The following NBDY variants were observed in gnomAD, a reference collection of about 807,000 sequenced individuals.
The protein encoded by NBDY is negative regulator of P-body association, also known as P-body dissociating protein.
In NBDY at chrX:56,807,917, G is replaced by GT. The variant is rs1373265670; in HGVS notation, c.*167-9397dup. 2.7e-5 allele frequency among the ~76,000 whole-genome samples: 3 copies of GT among 112,084 alleles called. No individual in the cohort carries two copies. In the East Asian group the frequency reaches 8.4e-4, roughly 31 times the overall value. On this transcript the variant is annotated intron_variant, in intron 2 of 2. Coordinates refer to ENST00000374922, the MANE Select transcript of NBDY (RefSeq NM_001348129.2). The stretch of plus-strand genomic sequence containing the variant: ...CCAGTTTTCAAAGGGAGTACTTCCA[G>GT]TTTTTTCCCATTCAGTATGATATTG...
intron 2 of NBDY, among the ~76,000 whole-genome samples, chrX:56,743,299 G>T (rs2146715357): frequency 9.0e-6 from 1 of 110,688 alleles, no homozygotes; most frequent in African/African-American, 3.3e-5. Flanking sequence ...TTTGGTATCA[G>T]GCCTCATGGA....
intron 2 of NBDY, among the ~76,000 whole-genome samples, chrX:56,757,151 T>C (rs952291957): frequency 3.6e-5 from 4 of 112,031 alleles, no homozygotes; most frequent in East Asian, 2.8e-4. Context: ...AAGGTGTTAA[T>C]TGAAAATTCT....
At chrX:56,799,668 G>A (rs745613247) in intron 2 of NBDY, among the ~76,000 whole-genome samples, 1 of 113,288 alleles carries the variant, frequency 8.8e-6, no homozygotes, top group South Asian at 3.6e-4. Flanking sequence ...GGATGGCACT[G>A]TGACTCCACA....
chrX:56,736,379 C>T (rs925926145), intron 2 of NBDY, among the ~76,000 whole-genome samples: 33 of 112,040 alleles, frequency 2.9e-4, no homozygotes, highest in African/African-American at 1.0e-3. Flanking sequence ...ATTCTCCTGC[C>T]GCAGCCTCCC....
intron 2 of NBDY, among the ~76,000 whole-genome samples, chrX:56,799,290 C>A (rs1370293942): frequency 8.9e-6 from 1 of 112,807 alleles, no homozygotes; most frequent in African/African-American, 3.2e-5. Flanking sequence ...GGATAGGGTG[C>A]CCCTGTCCCT....
In NBDY at chrX:56,738,137, G is replaced by A. The variant is rs201506109; in HGVS notation, c.*166+5938G>A. 1.2e-4 allele frequency among the ~76,000 whole-genome samples: 13 copies of A among 112,119 alleles called. No individual in the cohort carries two copies. The East Asian group carries it at 3.6e-3, about 31-fold the overall frequency. ...GGTCAAAGTGCTAATCCAAGATGAT[G>A]CATTACATTTACTTGTCATGTCTCT... On this transcript the variant is annotated intron_variant, in intron 2 of 2. Coordinates refer to ENST00000374922, the MANE Select transcript of NBDY (RefSeq NM_001348129.2).
intron 2 of NBDY, among the ~76,000 whole-genome samples, chrX:56,764,058 C>T (rs1310878122): frequency 8.9e-6 from 1 of 112,321 alleles, no homozygotes; most frequent in Non-Finnish European, 1.9e-5. Context: ...AGAGGAACTC[C>T]AAGCTGGCCC....
At chrX:56,764,237 C>T (rs1207423320) in intron 2 of NBDY, among the ~76,000 whole-genome samples, 5 of 112,460 alleles carry the variant, frequency 4.4e-5, no homozygotes, top group African/African-American at 1.3e-4. Context: ...CCGGGAGGAT[C>T]GGGGCCCCCT....
At chrX:56,802,466 C>T (rs1237231701) in intron 2 of NBDY, among the ~76,000 whole-genome samples, 1 of 103,289 alleles carries the variant, frequency 9.7e-6, no homozygotes, top group Non-Finnish European at 2.0e-5. Flanking sequence ...ACAGCCTGCA[C>T]AGAGTCAGAC....
intron 2 of NBDY, among the ~76,000 whole-genome samples, chrX:56,752,932 A>G (rs1019805878): frequency 8.9e-6 from 1 of 112,427 alleles, no homozygotes; most frequent in Non-Finnish European, 1.9e-5. Context: ...AATCATAAAA[A>G]TCAGAAAGCC....
At chrX:56,756,456 A>G (rs778925562) in intron 2 of NBDY, among the ~76,000 whole-genome samples, 3 of 110,113 alleles carry the variant, frequency 2.7e-5, no homozygotes, top group Non-Finnish European at 3.8e-5. Flanking sequence ...AAAAAAAAGT[A>G]ACACAATTGA....
rs1157131797 is a variant in NBDY at position 56,730,513 on chromosome X, C to CAAAAAAAAAAAA, written c.*29+946_*29+957dup. ...GCGACAATAGCAAAAAACTACGTCTCAAAAAAAAAAAAAAAAAAAAAAAAA... is the reference window on the plus strand; with the variant it reads ...GCGACAATAGCAAAAAACTACGTCTCAAAAAAAAAAAAAAAAAAAAAAAAAAAAAAAAAAAAA... On this transcript the variant is annotated intron_variant, in intron 1 of 2. Transcript: ENST00000374922. Among the ~76,000 whole-genome samples the CAAAAAAAAAAAA allele has an allele frequency of 4.9e-3, 55 of 11,217 alleles. 18 individuals are homozygous for CAAAAAAAAAAAA. Among genetic ancestry groups the CAAAAAAAAAAAA allele is most frequent in the East Asian group, 0.01 (2 of 199 alleles). The allele number at this position is 11,217 out of a possible 115,157, so 9.7% of individuals were successfully genotyped here. A position where few individuals can be genotyped will look rare whatever the true frequency, so the allele number is the denominator to read the frequency against.
chrX:56,794,588 T>C (rs895128968), intron 2 of NBDY, among the ~76,000 whole-genome samples: 1 of 105,102 alleles, frequency 9.5e-6, no homozygotes, highest in East Asian at 3.1e-4. Flanking sequence ...GAGGATCCTA[T>C]CCTCAATACA....
At chrX:56,766,577 C>A (rs754332387) in intron 2 of NBDY, among the ~76,000 whole-genome samples, 1 of 112,091 alleles carries the variant, frequency 8.9e-6, no homozygotes, top group Admixed American at 9.4e-5. Context: ...ATGCGACTGC[C>A]CACATTCTCT....
chrX:56,731,534 G>A (rs2069458892), intron 1 of NBDY, among the ~76,000 whole-genome samples: 1 of 110,004 alleles, frequency 9.1e-6, no homozygotes, highest in Non-Finnish European at 1.9e-5. Context: ...TCATGCCACT[G>A]CACTCCAGCC....
chrX:56,741,539 T>C (rs1295470869), intron 2 of NBDY, among the ~76,000 whole-genome samples: 1 of 111,936 alleles, frequency 8.9e-6, no homozygotes, highest in Non-Finnish European at 1.9e-5. Flanking sequence ...GCCATTTTAA[T>C]TGAAGTGAGA....
intron 2 of NBDY, among the ~76,000 whole-genome samples, chrX:56,782,334 C>G (rs60316072): frequency 0.098 from 10,793 of 109,757 alleles, 1,159 homozygotes; most frequent in African/African-American, 0.3. Context: ...TTTCCTTCTC[C>G]TCTTCTTTTG....
intron 2 of NBDY, among the ~76,000 whole-genome samples, chrX:56,797,201 C>A (rs938604020): frequency 9.8e-6 from 1 of 102,091 alleles, no homozygotes; most frequent in Non-Finnish European, 2.0e-5. Flanking sequence ...TCCTTCTTTC[C>A]TTTTCCTCCT....
At chrX:56,765,081 T>C (rs190546298) in intron 2 of NBDY, among the ~76,000 whole-genome samples, 49 of 112,304 alleles carry the variant, frequency 4.4e-4, no homozygotes, top group Non-Finnish European at 8.6e-4. Context: ...TTCTCTTTAC[T>C]TTTTCTCCAC....
Sources: allele counts gnomAD v4.1 joint callset (sites outside exome capture counted in the v4.1 genomes callset), GRCh38; gene constraint gnomAD v4.1.1; transcripts MANE v1.5; gene names NCBI Gene and HGNC (gene_info 2026-07-23, HGNC 2026-07-21).